The following TMED3 variants were observed in gnomAD, a reference collection of about 807,000 sequenced individuals.
TMED3 encodes transmembrane emp24 domain-containing protein 3.
A neutral mutation model predicts 15.0 loss-of-function variants in TMED3; 9 were observed. The observed-to-expected ratio is 0.60, with a 90% CI of 0.36 to 1.04. The LOEUF is 1.04. Ranked by LOEUF, TMED3 falls within the 50% of genes least tolerant of loss-of-function variation. The pLI is 0.01. For synonymous variants in TMED3, 117 were observed against 121.4 expected, an observed-to-expected ratio of 0.96 and a Z score of 0.24; for missense variants, 267 against 278.9, an observed-to-expected ratio of 0.96 and a Z score of 0.30.
rs544114945 is a variant in TMED3 at position 79,311,143 on chromosome 15, A to G, written c.-107A>G. 4.1e-5 allele frequency: 52 copies of G among 1,255,066 alleles called. No individual in the cohort carries two copies. The highest frequency in any genetic ancestry group is 8.7e-5 in the Admixed American group (3 of 34,342). The allele number at this position is 1,255,066 out of a possible 1,614,324, so 77.7% of individuals were successfully genotyped here. ...GGAAGCGCAGAGCTCCGCTGGTGCC[A>G]CGTCTATCCCCTTACATCCTCCTAG... is the stretch of plus-strand genomic sequence containing the variant. On this transcript the variant is annotated 5_prime_UTR_variant, in exon 1 of 3. Transcript: ENST00000299705.
intron 2 of TMED3, among the ~76,000 whole-genome samples, chr15:79,353,218 A>G (rs1163620303): frequency 6.0e-5 from 5 of 83,350 alleles, no homozygotes; most frequent in African/African-American, 2.0e-4. Flanking sequence ...TATTATATAT[A>G]TTATACATAA....
chr15:79,364,278 C>G (rs1193200643), intron 2 of TMED3, among the ~76,000 whole-genome samples: 2 of 152,140 alleles, frequency 1.3e-5, no homozygotes, highest in African/African-American at 4.8e-5. Context: ...TCTTAGTCCC[C>G]TGCGGGCATG....
chr15:79,343,977 G>A (rs1237401762), intron 2 of TMED3, among the ~76,000 whole-genome samples: 1 of 152,190 alleles, frequency 6.6e-6, no homozygotes, highest in Non-Finnish European at 1.5e-5. Context: ...GGAATTCAGA[G>A]TGTAGGTTGG....
chr15:79,405,683 G>T (rs11072846), intron 2 of TMED3, among the ~76,000 whole-genome samples: 70,009 of 151,810 alleles, frequency 0.46, 16,527 homozygotes, highest in East Asian at 0.68. Context: ...CTGGCAGTAT[G>T]TATTTTCCTT....
chr15:79,400,346 C>G (rs1051799351), intron 2 of TMED3, among the ~76,000 whole-genome samples: 4 of 152,210 alleles, frequency 2.6e-5, no homozygotes, highest in African/African-American at 9.7e-5. Flanking sequence ...TCTGTAATCA[C>G]TTAATCTACT....
At chr15:79,335,371 A>T (rs1253836112) in intron 2 of TMED3, among the ~76,000 whole-genome samples, 1 of 152,252 alleles carries the variant, frequency 6.6e-6, no homozygotes. Context: ...TGTCAGAGGG[A>T]GAAATCATGT....
chr15:79,410,696 G>GTATA (rs1393004684), intron 2 of TMED3, among the ~76,000 whole-genome samples: 2 of 124,432 alleles, frequency 1.6e-5, no homozygotes, highest in African/African-American at 5.2e-5. Context: ...ATATGTGTGT[G>GTATA]TGTATATATA....
At chr15:79,344,739 T>G (rs2058863004) in intron 2 of TMED3, among the ~76,000 whole-genome samples, 1 of 152,200 alleles carries the variant, frequency 6.6e-6, no homozygotes, top group African/African-American at 2.4e-5. Flanking sequence ...AACTGGTAAC[T>G]GAACTTTGGA....
chr15:79,311,742 G>C (rs1233432475), intron 1 of TMED3, among the ~76,000 whole-genome samples: 1 of 152,192 alleles, frequency 6.6e-6, no homozygotes, highest in African/African-American at 2.4e-5. Flanking sequence ...ACCAACGGCA[G>C]TTCTGATCGG....
At chr15:79,385,629 C>T (rs1428885469) in intron 2 of TMED3, among the ~76,000 whole-genome samples, 1 of 152,198 alleles carries the variant, frequency 6.6e-6, no homozygotes, top group African/African-American at 2.4e-5. Flanking sequence ...GTGCCTGCAG[C>T]TGCACCCAAG....
At chr15:79,390,699 G>C (rs754492197) in intron 2 of TMED3, among the ~76,000 whole-genome samples, 4 of 151,978 alleles carry the variant, frequency 2.6e-5, no homozygotes, top group Admixed American at 1.3e-4. Context: ...AGAATTCTGC[G>C]GTGAATCCAT....
chr15:79,317,430 A>G (rs896508216), intron 2 of TMED3, among the ~76,000 whole-genome samples: 6 of 152,198 alleles, frequency 3.9e-5, no homozygotes, highest in African/African-American at 7.2e-5. Context: ...GCCAGGGCCT[A>G]CGGTCCAAGG....
intron 2 of TMED3, among the ~76,000 whole-genome samples, chr15:79,374,731 T>C (rs2141246542): frequency 6.6e-6 from 1 of 152,314 alleles, no homozygotes; most frequent in South Asian, 2.1e-4. Flanking sequence ...GGATGAAGCA[T>C]GGTTAATTAT....
exon 3 of TMED3, chr15:79,411,456 A>C: frequency 1.4e-6 from 1 of 702,554 alleles, no homozygotes; most frequent in East Asian, 2.7e-5. Context: ...ATATGCAGCC[A>C]GGCGGAACAC....
intron 2 of TMED3, among the ~76,000 whole-genome samples, chr15:79,346,251 C>A (rs979793424): frequency 1.3e-5 from 2 of 152,098 alleles, no homozygotes; most frequent in Non-Finnish European, 2.9e-5. Context: ...ATGGTATTGC[C>A]TAGGTTGTCT....
At chr15:79,385,283 G>A (rs1289696023) in intron 2 of TMED3, among the ~76,000 whole-genome samples, 1 of 152,150 alleles carries the variant, frequency 6.6e-6, no homozygotes, top group Non-Finnish European at 1.5e-5. Flanking sequence ...ATCCCCATCA[G>A]ATGTGTCTAA....
In TMED3 at chr15:79,311,389, A is replaced by G. The variant is rs1204325002; in HGVS notation, c.140A>G (p.Gln47Arg). The G allele has an allele frequency of 1.2e-6, 2 of 1,611,622 alleles. No homozygotes were observed. ...AKQCFHEEVE[Q>R]GVKFSLDYQV... Reference sequence around the variant, plus strand: ...CAGTGCTTCCACGAGGAGGTGGAGCAGGGCGTGAAGTTCTCCCTGGATTAC... The same window carrying G: ...CAGTGCTTCCACGAGGAGGTGGAGCGGGGCGTGAAGTTCTCCCTGGATTAC... Residue 47 changes from glutamine (Q) to arginine (R), a missense_variant, in exon 1 of 3, where the codon CAG becomes CGG. Gln to Arg is a conservative substitution (Grantham distance 43). Around this residue, in one of 3 missense-constraint regions of TMED3, gnomAD observed 69 missense variants for 106.8 expected, o/e 0.65. Coordinates refer to ENST00000299705, the MANE Select transcript of TMED3 (RefSeq NM_007364.4).
At chr15:79,366,823 A>G (rs1434346770) in intron 2 of TMED3, among the ~76,000 whole-genome samples, 1 of 152,212 alleles carries the variant, frequency 6.6e-6, no homozygotes. Flanking sequence ...ACTTTGAGGA[A>G]GGAGTTGGAC....
At chr15:79,391,406 C>T (rs982309737) in intron 2 of TMED3, among the ~76,000 whole-genome samples, 2 of 151,908 alleles carry the variant, frequency 1.3e-5, no homozygotes, top group African/African-American at 4.8e-5. Context: ...AGTTGATTTC[C>T]AGTTTTATTC....
Sources: allele counts gnomAD v4.1 joint callset (sites outside exome capture counted in the v4.1 genomes callset), GRCh38; gene constraint gnomAD v4.1.1; regional missense constraint gnomAD v4.1.1; transcripts MANE v1.5; gene names NCBI Gene and HGNC (gene_info 2026-07-23, HGNC 2026-07-21).